CCNY: variants seen among roughly 807,000 people sequenced by gnomAD.
CCNY encodes cyclin-Y.
In CCNY, 19 loss-of-function variants were observed where a neutral mutation model predicts 42.8. That is an observed-to-expected ratio of 0.44 (90% confidence interval 0.31 to 0.65). The LOEUF (loss-of-function observed/expected upper bound fraction) is 0.65, where lower values mean the gene tolerates loss of function less well. Among genes scored for constraint, CCNY ranks in the 30% least tolerant of loss-of-function variants. The pLI is 0.07. For missense variants in CCNY, 370 were observed against 437.3 expected (o/e 0.85, Z 1.37); for synonymous variants, 165 against 162.7 (o/e 1.01, Z -0.11).
chr10:35,301,157 G>A (rs1421479715), intron 3 of CCNY, among the ~76,000 whole-genome samples: 1 of 152,068 alleles, frequency 6.6e-6, no homozygotes, highest in Non-Finnish European at 1.5e-5. Context: ...GATCACACAA[G>A]GATTCAAACT....
intron 3 of CCNY, 75 bp downstream of exon 3, chr10:35,501,610 G>A: frequency 7.9e-7 from 1 of 1,266,446 alleles, no homozygotes; most frequent in African/African-American, 1.5e-5. Flanking sequence ...GTCTGTGATG[G>A]ATGAAAATGG....
At chr10:35,264,690 T>C (rs1161625255) in intron 3 of CCNY, among the ~76,000 whole-genome samples, 1 of 152,200 alleles carries the variant, frequency 6.6e-6, no homozygotes, top group African/African-American at 2.4e-5. Flanking sequence ...AGTCTCATTC[T>C]GTCACCCATG....
chr10:35,299,681 C>T (rs1799751998), intron 3 of CCNY, among the ~76,000 whole-genome samples: 1 of 152,192 alleles, frequency 6.6e-6, no homozygotes, highest in Non-Finnish European at 1.5e-5. Flanking sequence ...ACCAGAGAGT[C>T]AGACCTTACT....
intron 2 of CCNY, among the ~76,000 whole-genome samples, chr10:35,486,291 T>G (rs1300124785): frequency 2.0e-5 from 3 of 152,186 alleles, no homozygotes; most frequent in Admixed American, 2.0e-4. Context: ...ATCAGAGTAT[T>G]TACACCATGG....
chr10:35,426,252 CAA>C (rs907594534), intron 1 of CCNY, among the ~76,000 whole-genome samples: 12 of 151,846 alleles, frequency 7.9e-5, no homozygotes, highest in Non-Finnish European at 1.6e-4. Flanking sequence ...CACACACACA[CAA>C]ACACACAAAC....
At chr10:35,473,552 G>C (rs1184568449) in intron 1 of CCNY, among the ~76,000 whole-genome samples, 1 of 151,958 alleles carries the variant, frequency 6.6e-6, no homozygotes, top group African/African-American at 2.4e-5. Flanking sequence ...GAGGGGTGAG[G>C]GATATGTGAT....
intron 1 of CCNY, among the ~76,000 whole-genome samples, chr10:35,339,863 T>A (rs1255359684): frequency 2.0e-5 from 3 of 152,254 alleles, no homozygotes; most frequent in African/African-American, 7.2e-5. Context: ...AGGTTATTCA[T>A]GTTTTTGAAA....
intron 1 of CCNY, among the ~76,000 whole-genome samples, chr10:35,474,452 G>T (rs1035353063): frequency 2.6e-5 from 4 of 152,216 alleles, no homozygotes; most frequent in Non-Finnish European, 5.9e-5. Flanking sequence ...GGAGATCTGG[G>T]AACGGGCAGA....
At chr10:35,330,930 T>C (rs1835936431) in intron 3 of CCNY, among the ~76,000 whole-genome samples, 2 of 152,134 alleles carry the variant, frequency 1.3e-5, no homozygotes, top group South Asian at 2.1e-4. Flanking sequence ...CGGCTAATTT[T>C]TGTATGTTTA....
chr10:35,275,792 T>C (rs946336906), intron 3 of CCNY, among the ~76,000 whole-genome samples: 1 of 152,098 alleles, frequency 6.6e-6, no homozygotes, highest in Non-Finnish European at 1.5e-5. Context: ...TCCAGTCTTA[T>C]TGTACATCCA....
At chr10:35,369,415 T>C (rs1331704410) in intron 1 of CCNY, among the ~76,000 whole-genome samples, 1 of 152,266 alleles carries the variant, frequency 6.6e-6, no homozygotes, top group African/African-American at 2.4e-5. Context: ...GTTGTGGCCT[T>C]AGGAAAGACT....
At chr10:35,559,604 T>A (rs534087708) in intron 8 of CCNY, among the ~76,000 whole-genome samples, 57 of 152,236 alleles carry the variant, frequency 3.7e-4, no homozygotes, top group Non-Finnish European at 6.5e-4. Context: ...ATGGATCCAG[T>A]CAGCCAGCCA....
intron 3 of CCNY, among the ~76,000 whole-genome samples, chr10:35,304,244 A>G (rs1442100738): frequency 2.0e-5 from 3 of 152,074 alleles, no homozygotes; most frequent in Admixed American, 6.6e-5. Context: ...TACAATTTAT[A>G]ATCTAATAAG....
intron 4 of CCNY, 55 bp from the exon 5 acceptor site, chr10:35,525,909 T>G (rs1840641917): frequency 1.3e-6 from 2 of 1,494,486 alleles, no homozygotes; most frequent in African/African-American, 2.8e-5. Context: ...CCAGGTAATG[T>G]GTAAGGTCTT....
chr10:35,344,543 A>T (rs981183781), intron 1 of CCNY, among the ~76,000 whole-genome samples: 3 of 151,546 alleles, frequency 2.0e-5, no homozygotes, highest in Admixed American at 6.6e-5. Flanking sequence ...TACAAAAAAA[A>T]TTTTTTTTTC....
chr10:35,337,796 G>T (rs1410212031), intron 1 of CCNY, among the ~76,000 whole-genome samples: 1 of 151,944 alleles, frequency 6.6e-6, no homozygotes, highest in African/African-American at 2.4e-5. Flanking sequence ...CTTCTCCCGA[G>T]AATGCTCTTT....
chr10:35,256,813 G>A (rs1046935419), intron 3 of CCNY, among the ~76,000 whole-genome samples: 2 of 150,516 alleles, frequency 1.3e-5, no homozygotes, highest in East Asian at 2.0e-4. Flanking sequence ...TTGGTGTCAC[G>A]AAATTACATG....
At position 35,567,687 on chromosome 10, in the gene CCNY, C is replaced by T. The variant is rs144470370; in HGVS notation, c.910-1367C>T. ...GAGAAGAAACCTGTTATGGATTACA[C>T]GCTTAAGAAAGAAAAATGTTAAATA... On this transcript the variant is annotated intron_variant, in intron 9 of 9. Coordinates refer to ENST00000374704, the MANE Select transcript of CCNY (RefSeq NM_145012.6). 3.3e-3 allele frequency among the ~76,000 whole-genome samples: 498 copies of T among 152,142 alleles called. 5 individuals are homozygous for T. Among genetic ancestry groups the T allele is most frequent in the African/African-American group, 0.011 (454 of 41,482 alleles).
intron 1 of CCNY, among the ~76,000 whole-genome samples, chr10:35,348,865 A>G (rs1332564389): frequency 6.6e-6 from 1 of 151,294 alleles, no homozygotes; most frequent in Non-Finnish European, 1.5e-5. Flanking sequence ...TGAGAGAAAC[A>G]GTTGTTGAAA....
Sources: gnomAD v4.1 joint callset for allele counts (sites outside exome capture counted in the v4.1 genomes callset) on GRCh38, gnomAD v4.1.1 for gene constraint, MANE v1.5 for transcripts, NCBI Gene and HGNC (gene_info 2026-07-23, HGNC 2026-07-21) for gene names.